Variants in PCDHGB7 observed in about 807,000 individuals in gnomAD.
The protein encoded by PCDHGB7 is protocadherin gamma subfamily B, 7.
Under a neutral mutation model 61.4 loss-of-function variants are expected in PCDHGB7, and 37 were observed. The ratio of observed to expected loss-of-function variants is 0.60; its 90% CI spans 0.46 to 0.79. PCDHGB7 has a LOEUF of 0.79. PCDHGB7 is among the 30% of genes least tolerant of loss of function. The pLI, the probability that PCDHGB7 is intolerant of heterozygous loss-of-function variation, is 0.00. For synonymous variants in PCDHGB7, 464 were observed against 503.5 expected (o/e 0.92, Z 1.05); for missense variants, 1,166 against 1,202.5 (o/e 0.97, Z 0.45).
chr5:141,430,904 T>C (rs2097322701), intron 1 of PCDHGB7: 5 of 1,606,730 alleles, frequency 3.1e-6, no homozygotes, highest in Middle Eastern at 1.7e-4. Context: ...GGGCGACATC[T>C]CCAGGGACCT....
rs1485715812 is a variant in PCDHGB7, at chr5:141,485,804, G to T, written c.2416-9003G>T. The T allele has an allele frequency of 6.2e-7, 1 of 1,614,218 alleles. No individual in the cohort carries two copies. The highest frequency in any genetic ancestry group is 1.7e-5 in the Admixed American group (1 of 60,026). ...AGAGAAGCAATCGGACTACCGCCTG[G>T]TGCTGACTGCTGTCGATGGAGGGAA... On this transcript the variant is annotated intron_variant, in intron 1 of 3. Coordinates refer to ENST00000398594, the MANE Select transcript of PCDHGB7 (RefSeq NM_018927.4). This position sits in a 1 kb window ranked among gnomAD's most constrained non-coding sequence, Gnocchi z 5.7.
rs1301787934 is a variant in PCDHGB7 at position 141,476,164 on chromosome 5, A to G, written c.2416-18643A>G. Reference sequence around the variant, plus strand: ...GCGGACTGGTAAGCACCGGGAGGGTAGTGGGAGTTTTGCTTCTGCTTGGTG... The same window carrying G: ...GCGGACTGGTAAGCACCGGGAGGGTGGTGGGAGTTTTGCTTCTGCTTGGTG... On this transcript the variant is annotated intron_variant, in intron 1 of 3. Transcript: ENST00000398594. This position sits in a 1 kb window ranked among gnomAD's most constrained non-coding sequence, Gnocchi z 7.6. 6.2e-7 allele frequency: 1 copy of G among 1,613,116 alleles called. No individual in the cohort carries two copies.
intron 1 of PCDHGB7, chr5:141,440,709 A>C (rs1351127132): frequency 1.3e-5 from 2 of 152,216 alleles, no homozygotes; most frequent in Non-Finnish European, 2.9e-5. Context: ...GTGGAAAGAC[A>C]TATGTTGATC....
chr5:141,459,139 A>G (rs1592605909), intron 1 of PCDHGB7, among the ~76,000 whole-genome samples: 1 of 152,360 alleles, frequency 6.6e-6, no homozygotes, highest in Non-Finnish European at 1.5e-5. Flanking sequence ...ACCACCATGC[A>G]ATCAAAATAT....
At chr5:141,478,088 A>G (rs2099429877) in intron 1 of PCDHGB7, 2 of 1,613,944 alleles carry the variant, frequency 1.2e-6, no homozygotes, top group African/African-American at 1.3e-5. Context: ...TTCGCTCTCC[A>G]CCACTGCTAC....
intron 1 of PCDHGB7, among the ~76,000 whole-genome samples, chr5:141,483,218 A>G (rs2099578440): frequency 6.6e-6 from 1 of 152,188 alleles, no homozygotes; most frequent in Admixed American, 6.5e-5. Flanking sequence ...GATGACAGTC[A>G]CTGCAGAAAT....
rs141151122 is a variant in PCDHGB7, at chr5:141,491,445, C to T, written c.2416-3362C>T. ...GAGGGCAGTGCTGCAGGCGCCAGGA[C>T]TCACCCTCCCCGGACTTCTATAAGC... is the stretch of plus-strand genomic sequence containing the variant. On this transcript the variant is annotated intron_variant, in intron 1 of 3. Transcript: ENST00000398594. This position sits in a 1 kb window ranked among gnomAD's most constrained non-coding sequence, Gnocchi z 6.9. 1 of 1,614,112 alleles carries T rather than the reference C, an allele frequency of 6.2e-7. No individual in the cohort carries two copies. The highest frequency in any genetic ancestry group is 8.5e-7 in the Non-Finnish European group (1 of 1,180,032).
At position 141,487,501 on chromosome 5, in the gene PCDHGB7, T is replaced by C. The variant is rs746285663; in HGVS notation, c.2416-7306T>C. 1.2e-6 allele frequency: 2 copies of C among 1,614,232 alleles called. No individual in the cohort carries two copies. The highest frequency in any genetic ancestry group is 3.3e-5 in the Admixed American group (2 of 60,028). ...ACTCTCATGGCTGTACACCCTTGGC[T>C]TCTGCACCCACTCGGAGTGATAGCT... On this transcript the variant is annotated intron_variant, in intron 1 of 3. Coordinates refer to ENST00000398594, the MANE Select transcript of PCDHGB7 (RefSeq NM_018927.4). The surrounding 1 kb of genome is among the most constrained non-coding windows in gnomAD (Gnocchi z 5.0).
chr5:141,426,275 G>A (rs531044481), intron 1 of PCDHGB7: 2 of 164,168 alleles, frequency 1.2e-5, no homozygotes, highest in East Asian at 1.6e-4. Context: ...CTGCAGCAAC[G>A]CATGGGAAGG....
chr5:141,446,775 T>C (rs1175892018), intron 1 of PCDHGB7, among the ~76,000 whole-genome samples: 2 of 152,188 alleles, frequency 1.3e-5, no homozygotes, highest in Admixed American at 6.5e-5. Context: ...CCGGTTACCA[T>C]TCTTTTACTC....
intron 2 of PCDHGB7, among the ~76,000 whole-genome samples, chr5:141,500,184 T>TTTTTTTTATTTATTTA (rs1554186429): frequency 7.4e-6 from 1 of 135,886 alleles, no homozygotes; most frequent in African/African-American, 2.7e-5. Flanking sequence ...TCATTTTTAT[T>TTTTTTTTATTTATTTA]TTTATTTATT....
At position 141,431,580 on chromosome 5, in the gene PCDHGB7, A is replaced by G. The variant is rs777990962; in HGVS notation, c.2415+11306A>G. ...GCTACCGACCCTGACGAAGGAGTCA[A>G]TGCGGAAGTGAGGTATTCCTTCCGG... On this transcript the variant is annotated intron_variant, in intron 1 of 3. Coordinates refer to ENST00000398594, the MANE Select transcript of PCDHGB7 (RefSeq NM_018927.4). The surrounding 1 kb of genome is among the most constrained non-coding windows in gnomAD (Gnocchi z 4.8). 1.2e-5 allele frequency: 19 copies of G among 1,614,098 alleles called. No homozygotes were observed. Among genetic ancestry groups the G allele is most frequent in the Non-Finnish European group, 1.5e-5 (18 of 1,180,040 alleles).
In PCDHGB7 at chr5:141,489,750, C is replaced by T. The variant is rs753217170; in HGVS notation, c.2416-5057C>T. On this transcript the variant is annotated intron_variant, in intron 1 of 3. Coordinates refer to ENST00000398594, the MANE Select transcript of PCDHGB7 (RefSeq NM_018927.4). The surrounding 1 kb of genome is among the most constrained non-coding windows in gnomAD (Gnocchi z 4.5). ...TGGGCACCAATACTGTGAGCTTTTA[C>T]ACTCTAAGCCCCAACAGCCACTTCT... 1.2e-6 allele frequency: 2 copies of T among 1,614,098 alleles called. No homozygotes were observed. Among genetic ancestry groups the T allele is most frequent in the Admixed American group, 3.3e-5 (2 of 60,022 alleles).
At chr5:141,494,069 C>T (rs1249076667) in intron 1 of PCDHGB7, among the ~76,000 whole-genome samples, 1 of 152,146 alleles carries the variant, frequency 6.6e-6, no homozygotes, top group Non-Finnish European at 1.5e-5. Context: ...GAGCTGGATC[C>T]CTCCCCGCTG....
intron 1 of PCDHGB7, among the ~76,000 whole-genome samples, chr5:141,438,935 G>A (rs1306603362): frequency 6.6e-6 from 1 of 151,810 alleles, no homozygotes; most frequent in African/African-American, 2.4e-5. Context: ...CAAAGTGCTG[G>A]GATTATAGGC....
rs1175282861 is a variant in PCDHGB7, at chr5:141,417,729, G to T, written c.-131G>T. The T allele has an allele frequency of 1.6e-5, 22 of 1,376,276 alleles. No homozygotes were observed. Among genetic ancestry groups the T allele is most frequent in the African/African-American group, 8.8e-5 (6 of 68,402 alleles). 85.3% of individuals were successfully genotyped at this position (1,376,276 alleles called of 1,614,324 possible). A position where few individuals can be genotyped will look rare whatever the true frequency, so the allele number is the denominator to read the frequency against. Reference sequence around the variant, plus strand: ...AGAGGCTCCCGGCTGCGCAGACCTTGCCCAGCACACCAGATTGCCAGCTCC... The same window carrying T: ...AGAGGCTCCCGGCTGCGCAGACCTTTCCCAGCACACCAGATTGCCAGCTCC... On this transcript the variant is annotated 5_prime_UTR_variant, in exon 1 of 4. Transcript: ENST00000398594.
chr5:141,421,348 G>C lies in PCDHGB7; in HGVS notation c.2415+1074G>C, dbSNP rs202220769. On this transcript the variant is annotated intron_variant, in intron 1 of 3. Coordinates refer to ENST00000398594, the MANE Select transcript of PCDHGB7 (RefSeq NM_018927.4). ...CCGATATTCGGTGCCAGAAGAGACC[G>C]AAAAGGGCTCCTTCGTGGGCAATAT... 9.1e-5 allele frequency: 147 copies of C among 1,613,862 alleles called. No individual in the cohort carries two copies. Among genetic ancestry groups the C allele is most frequent in the Non-Finnish European group, 1.1e-4 (125 of 1,179,904 alleles).
intron 1 of PCDHGB7, among the ~76,000 whole-genome samples, chr5:141,445,132 G>T (rs921068835): frequency 2.6e-5 from 4 of 152,026 alleles, no homozygotes; most frequent in Non-Finnish European, 5.9e-5. Flanking sequence ...TTTTAAAATT[G>T]TATCTTCTAA....
chr5:141,418,938 C>G lies in PCDHGB7; in HGVS notation c.1079C>G (p.Ser360Cys). ...TSLSDQIMEDSPPGVVVALFK... is the reference protein window; with the variant it reads ...TSLSDQIMEDCPPGVVVALFK... ...CTCTCTGATCAGATTATGGAGGATT[C>G]CCCTCCAGGAGTGGTTGTTGCCCTC... The change falls in exon 1 of 4, where the codon TCC becomes TGC. Residue 360 changes from serine to cysteine, a missense_variant. By Grantham distance (112) the Ser-to-Cys change is moderately radical (BLOSUM62 -1). Coordinates refer to ENST00000398594, the MANE Select transcript of PCDHGB7 (RefSeq NM_018927.4). 6.2e-7 allele frequency: 1 copy of G among 1,613,738 alleles called. No homozygotes were observed. The highest frequency in any genetic ancestry group is 8.5e-7 in the Non-Finnish European group (1 of 1,179,626).
Sources: allele counts gnomAD v4.1 joint callset (sites outside exome capture counted in the v4.1 genomes callset), GRCh38; gene constraint gnomAD v4.1.1; non-coding constraint Gnocchi (gnomAD v3.1); transcripts MANE v1.5; gene names NCBI Gene and HGNC (gene_info 2026-07-23, HGNC 2026-07-21).